The following SLC6A5 variants were observed in gnomAD, a reference collection of about 807,000 sequenced individuals.
SLC6A5 encodes solute carrier family 6 member 5.
In SLC6A5, 58 loss-of-function variants were observed where a neutral mutation model predicts 90.5. The observed-to-expected ratio is 0.64, with a 90% CI of 0.52 to 0.80. The LOEUF (loss-of-function observed/expected upper bound fraction) is 0.80. SLC6A5 is among the 30% of genes least tolerant of loss of function. The probability of loss-of-function intolerance (pLI) is 0.00; values close to 1 mark genes in which losing one functional copy is unlikely to be tolerated. For synonymous variants in SLC6A5, 427 were observed against 401.4 expected (o/e 1.06, Z -0.76); for missense variants, 1,015 against 1,017.6 (o/e 1.00, Z 0.03).
intron 7 of SLC6A5, among the ~76,000 whole-genome samples, chr11:20,620,318 C>G (rs1269994768): frequency 6.6e-6 from 1 of 152,166 alleles, no homozygotes; most frequent in Non-Finnish European, 1.5e-5. Context: ...AATCCTGGCT[C>G]TATCACTTTC....
chr11:20,623,200 G>A (rs1182684807), intron 7 of SLC6A5, among the ~76,000 whole-genome samples: 1 of 152,196 alleles, frequency 6.6e-6, no homozygotes, highest in African/African-American at 2.4e-5. Flanking sequence ...ACAGTGGAGA[G>A]AAAAGGAGTG....
Position 20,655,031 on chromosome 11 carries a change from A to G in SLC6A5, c.*163A>G. The G allele has an allele frequency of 1.3e-6, 1 of 794,726 alleles. No individual in the cohort carries two copies. Among genetic ancestry groups the G allele is most frequent in the South Asian group, 1.4e-5 (1 of 70,560 alleles). The allele number at this position is 794,726 out of a possible 1,614,324, so 49.2% of individuals were successfully genotyped here. The stretch of plus-strand genomic sequence containing the variant: ...TGTAGAAAAGTAGGCATAGTGTCGC[A>G]TGCTGCAGTAAAGAGCTACATAGAC... On this transcript the variant is annotated 3_prime_UTR_variant, in exon 16 of 16. Coordinates refer to ENST00000525748, the MANE Select transcript of SLC6A5 (RefSeq NM_004211.5).
rs138837967 is a variant in SLC6A5, at chr11:20,655,247, G to A, written c.*379G>A. Reference sequence around the variant, plus strand: ...CCAGTAAGGCATGTATAGAGTGGCCGAATTACAAGACTTTATTTGGACTTG... The same window carrying A: ...CCAGTAAGGCATGTATAGAGTGGCCAAATTACAAGACTTTATTTGGACTTG... On this transcript the variant is annotated 3_prime_UTR_variant, in exon 16 of 16. Transcript: ENST00000525748. 7.2e-3 allele frequency: 2,358 copies of A among 325,888 alleles called. 27 individuals carry two copies. Among genetic ancestry groups the A allele is most frequent in the African/African-American group, 0.014 (663 of 46,694 alleles). The allele number at this position is 325,888 out of a possible 1,614,324, so 20.2% of individuals were successfully genotyped here.
chr11:20,653,239 G>A (rs1436056908), intron 15 of SLC6A5, among the ~76,000 whole-genome samples: 2 of 152,168 alleles, frequency 1.3e-5, no homozygotes, highest in Non-Finnish European at 2.9e-5. Context: ...GGGCTACTTA[G>A]GGTTTGCTCC....
chr11:20,616,819 A>G (rs1852791319), intron 6 of SLC6A5, among the ~76,000 whole-genome samples: 2 of 152,192 alleles, frequency 1.3e-5, no homozygotes, highest in African/African-American at 4.8e-5. Context: ...CTGGACCAGG[A>G]GTGGGGCTGC....
rs1259340140 is a variant in SLC6A5 at position 20,656,258 on chromosome 11, T to C, written c.*1390T>C. On this transcript the variant is annotated 3_prime_UTR_variant, in exon 16 of 16. Coordinates refer to ENST00000525748, the MANE Select transcript of SLC6A5 (RefSeq NM_004211.5). Reference sequence around the variant, plus strand: ...CTTGTAGTGGTGTTTTCTGTCCTTATAAATATCTTTTGAATTCTGTAGAGA... The same window carrying C: ...CTTGTAGTGGTGTTTTCTGTCCTTACAAATATCTTTTGAATTCTGTAGAGA... The C allele has an allele frequency of 1.3e-5, 2 of 152,250 alleles. No individual in the cohort carries two copies. Among genetic ancestry groups the C allele is most frequent in the Non-Finnish European group, 2.9e-5 (2 of 68,044 alleles). 9.4% of individuals were successfully genotyped at this position (152,250 alleles called of 1,614,324 possible).
At chr11:20,606,332 C>G (rs945443867) in intron 3 of SLC6A5, among the ~76,000 whole-genome samples, 1 of 152,118 alleles carries the variant, frequency 6.6e-6, no homozygotes, top group Non-Finnish European at 1.5e-5. Flanking sequence ...GTGATCGGTG[C>G]CTGGAGAAAG....
intron 15 of SLC6A5, among the ~76,000 whole-genome samples, chr11:20,653,285 T>A (rs763114878): frequency 6.6e-6 from 1 of 152,190 alleles, no homozygotes; most frequent in Non-Finnish European, 1.5e-5. Context: ...TGAGAACTTG[T>A]TGGAAATGCA....
Position 20,655,132 on chromosome 11 carries a change from C to T in SLC6A5, c.*264C>T. ...TGGTCCCCTGACCACACGTTTTACC[C>T]TGCAGAGGAGGATCAGTTAGGTGAG... On this transcript the variant is annotated 3_prime_UTR_variant, in exon 16 of 16. Transcript: ENST00000525748. 4.2e-6 allele frequency: 2 copies of T among 473,310 alleles called. No homozygotes were observed. The highest frequency in any genetic ancestry group is 2.0e-5 in the South Asian group (1 of 51,032). 29.3% of individuals were successfully genotyped at this position (473,310 alleles called of 1,614,324 possible).
chr11:20,638,523 C>A lies in SLC6A5; in HGVS notation c.1934C>A (p.Ala645Asp). 6.2e-7 allele frequency: 1 copy of A among 1,612,620 alleles called. No individual in the cohort carries two copies. Among genetic ancestry groups the A allele is most frequent in the Non-Finnish European group, 8.5e-7 (1 of 1,178,780 alleles). The change falls in exon 13 of 16, where the codon GCC (alanine) becomes GAC (aspartate). Residue 645 changes from alanine to aspartate, a missense_variant. Around this residue, in one of 3 missense-constraint regions of SLC6A5, gnomAD observed 442 missense variants for 494.3 expected, o/e 0.89. Coordinates refer to ENST00000525748, the MANE Select transcript of SLC6A5 (RefSeq NM_004211.5). ...YAASYALVII[A>D]IFELVGISYV... is the part of the protein sequence containing the mutation. The stretch of plus-strand genomic sequence containing the variant: ...GCCTCCTATGCCCTTGTCATCATTG[C>A]CATTTTTGAGCTCGTGGGGATCTCT...
chr11:20,611,421 C>G lies in SLC6A5; in HGVS notation c.986-3258C>G, dbSNP rs576973102. Among the ~76,000 whole-genome samples the G allele has an allele frequency of 9.2e-5, 14 of 152,350 alleles. No homozygotes were observed. The South Asian group carries it at 2.7e-3, about 29-fold the overall frequency. On this transcript the variant is annotated intron_variant, in intron 5 of 15. Transcript: ENST00000525748. ...AGTGAGCAGAGATTGTGCCACTGCA[C>G]CCTAGCCTGGGTGACACAGTGAGAC...
intron 3 of SLC6A5, among the ~76,000 whole-genome samples, chr11:20,604,929 T>C (rs1481875241): frequency 6.6e-6 from 1 of 152,236 alleles, no homozygotes; most frequent in Non-Finnish European, 1.5e-5. Context: ...CGCCTTCTTC[T>C]GCTTCTTGAA....
chr11:20,642,407 G>A (rs1407706792), intron 13 of SLC6A5, among the ~76,000 whole-genome samples: 1 of 152,134 alleles, frequency 6.6e-6, no homozygotes, highest in Admixed American at 6.5e-5. Context: ...GTCATGGACT[G>A]ATTTCTGAGC....
rs774494633 is a variant in SLC6A5 at position 20,604,355 on chromosome 11, A to G, written c.610A>G (p.Met204Val). The change falls in exon 3 of 16, where the codon ATG (methionine) becomes GTG (valine). Residue 204 changes from methionine to valine, a missense_variant. By Grantham distance (21) the Met-to-Val change is conservative. This residue lies in a region of SLC6A5 where 567 missense variants were observed against 507.3 expected (regional missense o/e 1.12). Coordinates refer to ENST00000525748, the MANE Select transcript of SLC6A5 (RefSeq NM_004211.5). ...WSSKLDFILS[M>V]VGYAVGLGNV... Reference sequence around the variant, plus strand: ...CAGCAAACTGGACTTCATCCTGTCCATGGTGGGGTACGCAGTGGGGCTGGG... The same window carrying G: ...CAGCAAACTGGACTTCATCCTGTCCGTGGTGGGGTACGCAGTGGGGCTGGG... The G allele has an allele frequency of 1.2e-6, 2 of 1,614,068 alleles. No individual in the cohort carries two copies. Among genetic ancestry groups the G allele is most frequent in the Non-Finnish European group, 1.7e-6 (2 of 1,179,956 alleles).
Position 20,655,280 on chromosome 11 carries a change from C to G in SLC6A5, c.*412C>G. The stretch of plus-strand genomic sequence containing the variant: ...AGACTTTATTTGGACTTGAACAGAA[C>G]TGAGCAATGTGGTGATCTTGTTCAG... On this transcript the variant is annotated 3_prime_UTR_variant, in exon 16 of 16. Transcript: ENST00000525748. 1 of 294,660 alleles carries G rather than the reference C, an allele frequency of 3.4e-6. No individual in the cohort carries two copies. Among genetic ancestry groups the G allele is most frequent in the South Asian group, 3.4e-5 (1 of 29,068 alleles). The allele number at this position is 294,660 out of a possible 1,614,324, so 18.3% of individuals were successfully genotyped here. A position where few individuals can be genotyped will look rare whatever the true frequency, so the allele number is the denominator to read the frequency against.
chr11:20,630,730 C>T lies in SLC6A5; in HGVS notation c.1539C>T (p.Ser513=). 6.2e-7 allele frequency: 1 copy of T among 1,614,238 alleles called. No homozygotes were observed. The highest frequency in any genetic ancestry group is 1.7e-5 in the Admixed American group (1 of 60,034). ...TCACCTGCACCAACAGTGCCACAAGCATCTTTGCCGGCTTCGTCATCTTCT... is the reference window on the plus strand; with the variant it reads ...TCACCTGCACCAACAGTGCCACAAGTATCTTTGCCGGCTTCGTCATCTTCT... The part of the protein sequence containing the change: ...LIVTCTNSAT[S]IFAGFVIFSV... Residue 513 remains serine, a synonymous_variant, in exon 10 of 16, where the codon AGC becomes AGT. Transcript: ENST00000525748.
intron 13 of SLC6A5, 87 bp downstream of exon 13, chr11:20,638,645 G>A: frequency 6.1e-6 from 5 of 823,472 alleles, no homozygotes; most frequent in South Asian, 5.3e-5. Context: ...TACTTAATAA[G>A]ACAATACAGG....
At chr11:20,642,830 A>G (rs1341320583) in intron 13 of SLC6A5, among the ~76,000 whole-genome samples, 3 of 152,228 alleles carry the variant, frequency 2.0e-5, no homozygotes, top group Non-Finnish European at 4.4e-5. Flanking sequence ...AGCTTGACTC[A>G]GGAATGGCAC....
At chr11:20,618,194 C>A (rs1852820764) in intron 7 of SLC6A5, among the ~76,000 whole-genome samples, 1 of 152,180 alleles carries the variant, frequency 6.6e-6, no homozygotes, top group Non-Finnish European at 1.5e-5. Context: ...GCAGAAGGAA[C>A]CTCCCTGATA....
Sources: gnomAD v4.1 joint callset for allele counts (sites outside exome capture counted in the v4.1 genomes callset) on GRCh38, gnomAD v4.1.1 for gene constraint, gnomAD v4.1.1 regional missense constraint, MANE v1.5 for transcripts, NCBI Gene and HGNC (gene_info 2026-07-23, HGNC 2026-07-21) for gene names.